The following MARK1 variants were observed in gnomAD, a reference collection of about 807,000 sequenced individuals.
The protein encoded by MARK1 is serine/threonine-protein kinase MARK1.
A neutral mutation model predicts 96.3 loss-of-function variants in MARK1; 40 were observed. That is an observed-to-expected ratio of 0.42 (90% CI 0.32 to 0.54). MARK1 has a LOEUF of 0.54. Among genes scored for constraint, MARK1 ranks in the 20% least tolerant of loss-of-function variants. The probability of loss-of-function intolerance (pLI) is 0.16; values close to 1 mark genes in which losing one functional copy is unlikely to be tolerated. For missense variants in MARK1, 719 were observed against 984.6 expected (o/e 0.73, Z 3.61); for synonymous variants, 317 against 341.2 (o/e 0.93, Z 0.78).
intron 1 of MARK1, among the ~76,000 whole-genome samples, chr1:220,531,034 C>T (rs1000214831): frequency 1.3e-5 from 2 of 151,988 alleles, no homozygotes; most frequent in Admixed American, 1.3e-4. Flanking sequence ...GATAATAATC[C>T]CAAACAAGTA....
chr1:220,655,038 G>A (rs1003161655), intron 16 of MARK1, among the ~76,000 whole-genome samples: 6 of 152,204 alleles, frequency 3.9e-5, no homozygotes, highest in African/African-American at 1.4e-4. Flanking sequence ...AGACTGATGG[G>A]TCTCCTGCCT....
At chr1:220,597,545 T>A (rs1665458620) in intron 3 of MARK1, among the ~76,000 whole-genome samples, 1 of 152,188 alleles carries the variant, frequency 6.6e-6, no homozygotes, top group Non-Finnish European at 1.5e-5. Context: ...TGCAGAAATG[T>A]CACCTCTGAA....
intron 1 of MARK1, among the ~76,000 whole-genome samples, chr1:220,576,123 A>T (rs983385243): frequency 4.3e-5 from 6 of 138,324 alleles, no homozygotes; most frequent in Non-Finnish European, 7.8e-5. Flanking sequence ...TTTTAATTTT[A>T]AAATAACGAT....
intron 5 of MARK1, among the ~76,000 whole-genome samples, chr1:220,602,131 A>G (rs866743821): frequency 1.6e-4 from 25 of 152,348 alleles, no homozygotes; most frequent in Middle Eastern, 3.4e-3. Context: ...TAGAAAGGTA[A>G]TGTGAATAAG....
chr1:220,655,153 G>T (rs1304619847), intron 16 of MARK1, among the ~76,000 whole-genome samples: 1 of 152,002 alleles, frequency 6.6e-6, no homozygotes. Context: ...CACTTCTCAG[G>T]CTCCTTTGCT....
intron 1 of MARK1, among the ~76,000 whole-genome samples, chr1:220,574,622 C>T (rs1663706211): frequency 6.6e-6 from 1 of 152,140 alleles, no homozygotes; most frequent in Non-Finnish European, 1.5e-5. Context: ...TGATCAACTT[C>T]CCTTAAGACT....
At chr1:220,643,167 G>T (rs890101761) in intron 13 of MARK1, among the ~76,000 whole-genome samples, 1 of 152,142 alleles carries the variant, frequency 6.6e-6, no homozygotes, top group African/African-American at 2.4e-5. Flanking sequence ...TGAGCTAAAG[G>T]ATTATGTTCA....
At chr1:220,642,043 A>G (rs1398523656) in intron 13 of MARK1, among the ~76,000 whole-genome samples, 1 of 152,216 alleles carries the variant, frequency 6.6e-6, no homozygotes, top group Non-Finnish European at 1.5e-5. Context: ...AGGAGTTTTT[A>G]CATAATCTGG....
At chr1:220,574,280 A>G (rs1337571) in intron 1 of MARK1, among the ~76,000 whole-genome samples, 128,474 of 152,292 alleles carry the variant, frequency 0.84, 57,528 homozygotes, top group East Asian at 0.99. Context: ...CCAAATACCT[A>G]CTTTATTATC....
chr1:220,552,881 G>C (rs1483511089), intron 1 of MARK1, among the ~76,000 whole-genome samples: 1 of 152,150 alleles, frequency 6.6e-6, no homozygotes, highest in East Asian at 1.9e-4. Context: ...ACCCCCAGGA[G>C]TGGTGCTATT....
intron 1 of MARK1, among the ~76,000 whole-genome samples, chr1:220,556,485 C>CAAAAAAAAA (rs55808704): frequency 4.8e-4 from 41 of 85,724 alleles, no homozygotes; most frequent in Non-Finnish European, 6.7e-4. Context: ...GGGACTGTCA[C>CAAAAAAAAA]AAAAAAAAAA....
At chr1:220,626,537 A>T in intron 9 of MARK1, 1 of 499,320 alleles carries the variant, frequency 2.0e-6, no homozygotes, top group Non-Finnish European at 4.0e-6. Flanking sequence ...ATCAAAGCAC[A>T]TGCTGGCCTG....
At chr1:220,635,714 C>G in intron 12 of MARK1, 119 bp from the exon 13 acceptor site, 1 of 1,138,904 alleles carries the variant, frequency 8.8e-7, no homozygotes, top group Non-Finnish European at 1.2e-6. Context: ...AAAATTTAAT[C>G]TTCGTTCAGA....
At chr1:220,587,484 T>G (rs1436115621) in intron 3 of MARK1, among the ~76,000 whole-genome samples, 1 of 152,098 alleles carries the variant, frequency 6.6e-6, no homozygotes, top group African/African-American at 2.4e-5. Flanking sequence ...TTCTCCTGCC[T>G]TAGCCTCCCA....
In MARK1 at chr1:220,653,293, T is replaced by C. The variant is rs897753403; in HGVS notation, c.1929T>C (p.His643=). The C allele has an allele frequency of 1.9e-6, 3 of 1,614,130 alleles. No individual in the cohort carries two copies. In the Admixed American group the frequency reaches 5.0e-5, roughly 27 times the overall value. Residue 643 remains histidine, a synonymous_variant, in exon 16 of 18, where the codon CAT becomes CAC. Coordinates refer to ENST00000366917, the MANE Select transcript of MARK1 (RefSeq NM_018650.5). Reference sequence around the variant, plus strand: ...CCCATGAAACGGGTGCATTTGCACATGCCAGAAGGGGAACGTCAACTGGTA... The same window carrying C: ...CCCATGAAACGGGTGCATTTGCACACGCCAGAAGGGGAACGTCAACTGGTA... ...SPSHETGAFA[H]ARRGTSTGII...
intron 1 of MARK1, among the ~76,000 whole-genome samples, chr1:220,573,790 G>A (rs971858143): frequency 1.4e-5 from 2 of 143,316 alleles, no homozygotes; most frequent in Non-Finnish European, 3.1e-5. Flanking sequence ...ATTGTATATT[G>A]TAGTATATGT....
rs1302768340 is a variant in MARK1 at position 220,618,819 on chromosome 1, G to A, written c.909+64G>A. ...ATTAAAATATTCCAGGAACCGAAGA[G>A]CATTTTTCTCCTATGTTTTCTTAGG... On this transcript the variant is annotated intron_variant, in intron 9 of 17. Transcript: ENST00000366917. The surrounding 1 kb of genome is among the most constrained non-coding windows in gnomAD (Gnocchi z 4.6). The A allele has an allele frequency of 7.2e-7, 1 of 1,385,084 alleles. No individual in the cohort carries two copies. The highest frequency in any genetic ancestry group is 9.7e-7 in the Non-Finnish European group (1 of 1,030,210). 85.8% of individuals were successfully genotyped at this position (1,385,084 alleles called of 1,614,324 possible).
At chr1:220,602,360 G>A (rs1387647972) in intron 5 of MARK1, among the ~76,000 whole-genome samples, 1 of 152,178 alleles carries the variant, frequency 6.6e-6, no homozygotes, top group Non-Finnish European at 1.5e-5. Flanking sequence ...TGCTTACCAT[G>A]TGTCAGGTAA....
At chr1:220,595,673 C>T (rs1175497495) in intron 3 of MARK1, among the ~76,000 whole-genome samples, 3 of 152,098 alleles carry the variant, frequency 2.0e-5, no homozygotes, top group Admixed American at 1.3e-4. Context: ...ATTGAGAAAC[C>T]ACCAGTGGAT....
Sources: allele counts gnomAD v4.1 joint callset (sites outside exome capture counted in the v4.1 genomes callset), GRCh38; gene constraint gnomAD v4.1.1; non-coding constraint Gnocchi (gnomAD v3.1); transcripts MANE v1.5; gene names NCBI Gene and HGNC (gene_info 2026-07-23, HGNC 2026-07-21).